CRYBG3: variants seen among roughly 807,000 people sequenced by gnomAD.
The protein encoded by CRYBG3 is crystallin beta-gamma domain containing 3, also known as very large A-kinase anchor protein.
In CRYBG3, 127 loss-of-function variants were observed where a neutral mutation model predicts 244.2. The observed-to-expected ratio is 0.52, with a 90% CI of 0.45 to 0.60. The LOEUF is 0.60. Ranked by LOEUF, CRYBG3 falls within the 20% of genes least tolerant of loss-of-function variation. CRYBG3 has a pLI of 0.00. For synonymous variants in CRYBG3, 1,132 were observed against 1,195.8 expected (o/e 0.95, Z 1.10); for missense variants, 3,325 against 3,442.5 (o/e 0.97, Z 0.85).
intron 3 of CRYBG3, among the ~76,000 whole-genome samples, chr3:97,869,517 G>A (rs1016995780): frequency 2.6e-5 from 4 of 152,074 alleles, no homozygotes; most frequent in East Asian, 3.8e-4. Flanking sequence ...CTCTGTGCAC[G>A]AGGCTTACAT....
chr3:97,927,907 CAG>C (rs2107089195), intron 17 of CRYBG3, among the ~76,000 whole-genome samples: 1 of 152,112 alleles, frequency 6.6e-6, no homozygotes, highest in Non-Finnish European at 1.5e-5. Flanking sequence ...CAACAAATAA[CAG>C]ATGCTAGTGA....
At chr3:97,851,458 T>C (rs1170099775) in intron 2 of CRYBG3, among the ~76,000 whole-genome samples, 1 of 152,164 alleles carries the variant, frequency 6.6e-6, no homozygotes, top group Non-Finnish European at 1.5e-5. Context: ...AGACATATGA[T>C]ATTAGGGATA....
chr3:97,841,244 ATATATGTATATATGTG>A (rs1559715030), intron 1 of CRYBG3, among the ~76,000 whole-genome samples: 8 of 142,838 alleles, frequency 5.6e-5, no homozygotes, highest in African/African-American at 1.9e-4. Context: ...GTGTATATAC[ATATATGTATATATGTG>A]TATACACATA....
chr3:97,918,641 A>G (rs1039545106), intron 17 of CRYBG3, among the ~76,000 whole-genome samples: 7 of 152,224 alleles, frequency 4.6e-5, no homozygotes. Context: ...AGTCTCCAGA[A>G]TCATAGTGGT....
intron 17 of CRYBG3, among the ~76,000 whole-genome samples, chr3:97,924,999 A>G (rs923914248): frequency 6.6e-6 from 1 of 152,078 alleles, no homozygotes; most frequent in East Asian, 1.9e-4. Flanking sequence ...TGTACCGAAT[A>G]TAAGAAGAGC....
rs752618780 is a variant in CRYBG3 at position 97,933,815 on chromosome 3, T to G, written c.8363T>G (p.Val2788Gly). The change falls in exon 18 of 22, where the codon GTG becomes GGG. Residue 2788 changes from valine to glycine, a missense_variant. Physicochemically the swap from Val to Gly is moderately radical, Grantham distance 109 (BLOSUM62 -3). Coordinates refer to ENST00000389622, the MANE Select transcript of CRYBG3 (RefSeq NM_153605.4). ...GACCTACACTTCTACACCCAGTCTG[T>G]GTGGGTAAAAAGTGGACTGTAAGTA... Reference protein sequence around the residue: ...NKDLHFYTQSVWVKSGLWIAY... With the variant: ...NKDLHFYTQSGWVKSGLWIAY... The G allele has an allele frequency of 1.2e-6, 2 of 1,612,276 alleles. No individual in the cohort carries two copies. Among genetic ancestry groups the G allele is most frequent in the South Asian group, 2.2e-5 (2 of 90,954 alleles).
chr3:97,904,695 T>C (rs956188776), intron 15 of CRYBG3, among the ~76,000 whole-genome samples: 12 of 150,096 alleles, frequency 8.0e-5, no homozygotes, highest in African/African-American at 2.9e-4. Flanking sequence ...TATTTTTTTA[T>C]TTTTATTTTT....
In CRYBG3 at chr3:97,831,114, G is replaced by A. The variant is rs564431960; in HGVS notation, c.149+8759G>A. On this transcript the variant is annotated intron_variant, in intron 1 of 21. Coordinates refer to ENST00000389622, the MANE Select transcript of CRYBG3 (RefSeq NM_153605.4). ...TTACCAAATATCCCAGTAGGGTAGA[G>A]ATGCTTATATACCCCACCTCTTAAG... is the stretch of plus-strand genomic sequence containing the variant. Among the ~76,000 whole-genome samples, 7 of 152,278 alleles carry A rather than the reference G, an allele frequency of 4.6e-5. No individual in the cohort carries two copies. The South Asian group carries it at 1.5e-3, about 32-fold the overall frequency.
At chr3:97,847,080 C>T (rs2038915024) in intron 2 of CRYBG3, among the ~76,000 whole-genome samples, 1 of 152,156 alleles carries the variant, frequency 6.6e-6, no homozygotes, top group Non-Finnish European at 1.5e-5. Flanking sequence ...CACTTCTAAA[C>T]AACCAGATCT....
At chr3:97,823,118 TC>T (rs1454336668) in intron 1 of CRYBG3, among the ~76,000 whole-genome samples, 1 of 152,194 alleles carries the variant, frequency 6.6e-6, no homozygotes, top group African/African-American at 2.4e-5. Flanking sequence ...TCCTTCACTT[TC>T]CCATGTTCAA....
At chr3:97,858,410 G>C (rs1311132695) in intron 2 of CRYBG3, among the ~76,000 whole-genome samples, 1 of 151,894 alleles carries the variant, frequency 6.6e-6, no homozygotes, top group Non-Finnish European at 1.5e-5. Context: ...TGAGCTTCCT[G>C]GATCTAGATG....
At position 97,834,713 on chromosome 3, in the gene CRYBG3, TAAA is replaced by T. The variant is rs1303640232; in HGVS notation, c.150-8478_150-8476del. On this transcript the variant is annotated intron_variant, in intron 1 of 21. Transcript: ENST00000389622. ...TGTTTCATTGTTCTAAGTAGGCAAATAAAAAATTTTTGGCAATGTTGCATATAT... is the reference window on the plus strand; with the variant it reads ...TGTTTCATTGTTCTAAGTAGGCAAATAAATTTTTGGCAATGTTGCATATAT... Among the ~76,000 whole-genome samples, 3 of 152,144 alleles carry T rather than the reference TAAA, an allele frequency of 2.0e-5. No homozygotes were observed. The East Asian group carries it at 5.8e-4, about 29-fold the overall frequency.
intron 1 of CRYBG3, among the ~76,000 whole-genome samples, chr3:97,830,155 C>G (rs2038635743): frequency 6.6e-6 from 1 of 152,152 alleles, no homozygotes; most frequent in African/African-American, 2.4e-5. Flanking sequence ...TTCTGCTAAG[C>G]CAAGTGCTGT....
intron 17 of CRYBG3, among the ~76,000 whole-genome samples, chr3:97,922,459 C>A (rs1361016440): frequency 1.3e-5 from 2 of 152,100 alleles, no homozygotes. Flanking sequence ...GGCTAATATC[C>A]AGAATCTACA....
chr3:97,840,911 G>C (rs2038802751), intron 1 of CRYBG3, among the ~76,000 whole-genome samples: 1 of 151,574 alleles, frequency 6.6e-6, no homozygotes. Flanking sequence ...GTTTGTTTTT[G>C]TTAATTTGAG....
intron 8 of CRYBG3, among the ~76,000 whole-genome samples, chr3:97,887,192 G>A (rs942192566): frequency 2.0e-5 from 3 of 152,098 alleles, no homozygotes; most frequent in African/African-American, 7.2e-5. Context: ...TATTATATAT[G>A]AGTGATTTGT....
intron 12 of CRYBG3, among the ~76,000 whole-genome samples, chr3:97,897,833 AT>A (rs899569906): frequency 7.2e-5 from 11 of 152,182 alleles, no homozygotes; most frequent in Admixed American, 2.0e-4. Context: ...TTTTAAAACT[AT>A]TTTTTAAGTC....
Position 97,898,909 on chromosome 3 carries a change from A to G in CRYBG3, c.7728A>G (p.Leu2576=), listed in dbSNP as rs778808019. 8.1e-6 allele frequency: 13 copies of G among 1,601,266 alleles called. No individual in the cohort carries two copies. Among genetic ancestry groups the G allele is most frequent in the African/African-American group, 2.7e-5 (2 of 74,352 alleles). ...ATTTTATAGAATCTTCTGTCACACTATTTGAATCTGACCTAGAAAGTGGGA... is the reference window on the plus strand; with the variant it reads ...ATTTTATAGAATCTTCTGTCACACTGTTTGAATCTGACCTAGAAAGTGGGA... ...QANFIESSVT[L]FESDLESGKF... Residue 2576 remains leucine (L), a synonymous_variant, in exon 13 of 22, where the codon CTA becomes CTG. Coordinates refer to ENST00000389622, the MANE Select transcript of CRYBG3 (RefSeq NM_153605.4).
intron 2 of CRYBG3, among the ~76,000 whole-genome samples, chr3:97,844,977 CT>C (rs1171206380): frequency 1.3e-5 from 2 of 152,156 alleles, no homozygotes; most frequent in African/African-American, 4.8e-5. Context: ...TACCGTGGCA[CT>C]TTTTCTGGGG....
Sources: gnomAD v4.1 joint callset for allele counts (sites outside exome capture counted in the v4.1 genomes callset) on GRCh38, gnomAD v4.1.1 for gene constraint, MANE v1.5 for transcripts, NCBI Gene and HGNC (gene_info 2026-07-23, HGNC 2026-07-21) for gene names.